CCDC122: variants seen among roughly 807,000 people sequenced by gnomAD.
CCDC122 encodes coiled-coil domain containing 122.
Under a neutral mutation model 37.0 loss-of-function variants are expected in CCDC122, and 38 were observed. The ratio of observed to expected loss-of-function variants is 1.03; its 90% CI spans 0.79 to 1.35. The LOEUF is 1.35. Among genes scored for constraint, CCDC122 ranks in the 40% most tolerant of loss-of-function variants. CCDC122 has a pLI of 0.00. For synonymous variants in CCDC122, 83 were observed against 95.6 expected, an observed-to-expected ratio of 0.87 and a Z score of 0.77; for missense variants, 305 against 310.0, an observed-to-expected ratio of 0.98 and a Z score of 0.12.
chr13:43,869,455 T>C lies in CCDC122; in HGVS notation c.-79A>G, dbSNP rs1954380538. The C allele has an allele frequency of 8.1e-7, 1 of 1,236,684 alleles. No homozygotes were observed. Among genetic ancestry groups the C allele is most frequent in the African/African-American group, 1.5e-5 (1 of 65,364 alleles). 76.6% of individuals were successfully genotyped at this position (1,236,684 alleles called of 1,614,324 possible). A position where few individuals can be genotyped will look rare whatever the true frequency, so the allele number is the denominator to read the frequency against. ...CTCAATAATCTATATTGATAATCTT[T>C]CACTTTTGTTTTTTCCTGTTGTATA... is the stretch of plus-strand genomic sequence containing the variant. On this transcript the variant is annotated 5_prime_UTR_variant, in exon 3 of 7. Coordinates refer to ENST00000444614, the MANE Select transcript of CCDC122 (RefSeq NM_144974.5).
chr13:43,878,308 T>G (rs1448334693), intron 1 of CCDC122: 2 of 152,184 alleles, frequency 1.3e-5, no homozygotes, highest in African/African-American at 4.8e-5. Context: ...ATAAACAAAC[T>G]CAGGGCAGAG....
At chr13:43,871,794 C>T (rs1954460823) in intron 2 of CCDC122, among the ~76,000 whole-genome samples, 1 of 152,128 alleles carries the variant, frequency 6.6e-6, no homozygotes, top group African/African-American at 2.4e-5. Flanking sequence ...CTCCATTCCA[C>T]TGCCACCATA....
intron 2 of CCDC122, among the ~76,000 whole-genome samples, chr13:43,873,047 C>T (rs9533666): frequency 0.046 from 6,968 of 152,242 alleles, 202 homozygotes; most frequent in East Asian, 0.096. Context: ...TCATTTAACA[C>T]ATTTGATAAT....
At chr13:43,854,621 T>C (rs758092584) in intron 6 of CCDC122, 1 of 152,166 alleles carries the variant, frequency 6.6e-6, no homozygotes, top group Non-Finnish European at 1.5e-5. Context: ...CCCTAACTCA[T>C]TCTATGAGGC....
downstream of CCDC122, among the ~76,000 whole-genome samples, chr13:43,834,563 G>C (rs532856168): frequency 1.7e-4 from 26 of 152,244 alleles, no homozygotes; most frequent in African/African-American, 6.0e-4. Context: ...CTACTCATCT[G>C]ACAAAGGGCT....
chr13:43,858,238 T>C (rs1225176190), intron 6 of CCDC122: 1 of 152,226 alleles, frequency 6.6e-6, no homozygotes, highest in Non-Finnish European at 1.5e-5. Context: ...ACATTTCTGT[T>C]CACCATTCAT....
intron 6 of CCDC122, among the ~76,000 whole-genome samples, chr13:43,856,848 T>G (rs1365498777): frequency 6.6e-6 from 1 of 152,162 alleles, no homozygotes; most frequent in Non-Finnish European, 1.5e-5. Flanking sequence ...ATCTAGGTAA[T>G]GCCAACATAA....
At chr13:43,872,387 T>C (rs1019348499) in intron 2 of CCDC122, among the ~76,000 whole-genome samples, 3 of 152,142 alleles carry the variant, frequency 2.0e-5, no homozygotes, top group African/African-American at 7.2e-5. Flanking sequence ...GCAACTATGC[T>C]GTTGACTCAC....
intron 2 of CCDC122, 77 bp downstream of exon 2, chr13:43,874,763 CAT>C (rs1954555738): frequency 1.3e-5 from 2 of 152,304 alleles, no homozygotes; most frequent in Admixed American, 1.3e-4. Context: ...TCTTTTCAAA[CAT>C]GTTTTTAAGA....
chr13:43,845,643 C>A (rs951968630), intron 6 of CCDC122, among the ~76,000 whole-genome samples: 1 of 152,202 alleles, frequency 6.6e-6, no homozygotes, highest in Non-Finnish European at 1.5e-5. Context: ...GCCCGGGAGG[C>A]AGAGGCTGCA....
chr13:43,827,485 G>A (rs1035002970), intron 3 of CCDC122, among the ~76,000 whole-genome samples: 2 of 152,178 alleles, frequency 1.3e-5, no homozygotes, highest in African/African-American at 4.8e-5. Context: ...TCTCTAAGTT[G>A]TAAACCTCTG....
intron 3 of CCDC122, among the ~76,000 whole-genome samples, chr13:43,825,769 CAAA>C (rs58173578): frequency 1.1e-4 from 8 of 73,532 alleles, no homozygotes; most frequent in Non-Finnish European, 1.6e-4. Flanking sequence ...GACTCCGTCT[CAAA>C]AAAAAAAAAA....
At chr13:43,874,593 C>A (rs1954549601) in intron 2 of CCDC122, among the ~76,000 whole-genome samples, 1 of 151,962 alleles carries the variant, frequency 6.6e-6, no homozygotes, top group East Asian at 1.9e-4. Flanking sequence ...TTATTTAAAC[C>A]AAATATTCAT....
intron 4 of CCDC122, among the ~76,000 whole-genome samples, chr13:43,864,592 TAGAATG>T (rs1487453700): frequency 6.6e-6 from 1 of 152,110 alleles, no homozygotes; most frequent in Non-Finnish European, 1.5e-5. Context: ...GGGGAACTAA[TAGAATG>T]AGAACTCCTT....
At chr13:43,835,268 C>T (rs1953134350), downstream of CCDC122, among the ~76,000 whole-genome samples, 2 of 151,936 alleles carry the variant, frequency 1.3e-5, no homozygotes, top group African/African-American at 4.8e-5. Flanking sequence ...AATGAGAACA[C>T]ATGGACACAG....
intron 6 of CCDC122, among the ~76,000 whole-genome samples, chr13:43,838,130 T>C (rs944316812): frequency 2.0e-5 from 3 of 152,184 alleles, no homozygotes; most frequent in Non-Finnish European, 4.4e-5. Context: ...CCTCTGCTGG[T>C]TCTGAGGGCT....
At chr13:43,819,560 A>G (rs980922273), downstream of CCDC122, among the ~76,000 whole-genome samples, 6 of 152,228 alleles carry the variant, frequency 3.9e-5, no homozygotes, top group African/African-American at 1.4e-4. Context: ...CAGTATATTT[A>G]GTAAAAATAA....
intron 6 of CCDC122, among the ~76,000 whole-genome samples, chr13:43,847,262 C>T (rs913506924): frequency 6.6e-6 from 1 of 152,130 alleles, no homozygotes; most frequent in Non-Finnish European, 1.5e-5. Flanking sequence ...TATTCTTCCA[C>T]CCACAGGGGT....
At chr13:43,840,128 C>G (rs952121658) in intron 6 of CCDC122, among the ~76,000 whole-genome samples, 1 of 152,154 alleles carries the variant, frequency 6.6e-6, no homozygotes, top group Non-Finnish European at 1.5e-5. Context: ...GGTTTTCCAT[C>G]TTGTCTACCT....
Sources: allele counts gnomAD v4.1 joint callset (sites outside exome capture counted in the v4.1 genomes callset), GRCh38; gene constraint gnomAD v4.1.1; transcripts MANE v1.5; gene names NCBI Gene and HGNC (gene_info 2026-07-23, HGNC 2026-07-21).